The following PLA2G6 variants were observed in gnomAD, a reference collection of about 807,000 sequenced individuals.
PLA2G6 encodes phospholipase A2 group VI.
In PLA2G6, 62 loss-of-function variants were observed where a neutral mutation model predicts 83.8. The ratio of observed to expected loss-of-function variants is 0.74; its 90% CI spans 0.60 to 0.91. PLA2G6 has a LOEUF of 0.91. Ranked by LOEUF, PLA2G6 falls within the 40% of genes least tolerant of loss-of-function variation. The pLI is 0.00. For missense variants in PLA2G6, 944 were observed against 1,102.0 expected (o/e 0.86, Z 2.03); for synonymous variants, 417 against 449.8 (o/e 0.93, Z 0.92).
At chr22:38,143,712 G>A (rs1172133103) in intron 3 of PLA2G6, 5 of 323,182 alleles carry the variant, frequency 1.5e-5, no homozygotes, top group Non-Finnish European at 3.0e-5. Context: ...CCAAAAGCAC[G>A]CCTGGAAACT....
In PLA2G6 at chr22:38,111,945, C is replaced by G; in HGVS notation, c.*216G>C. The G allele has an allele frequency of 1.6e-6, 1 of 612,366 alleles. No individual in the cohort carries two copies. Among genetic ancestry groups the G allele is most frequent in the Middle Eastern group, 4.3e-4 (1 of 2,302 alleles). 37.9% of individuals were successfully genotyped at this position (612,366 alleles called of 1,614,324 possible). A position where few individuals can be genotyped will look rare whatever the true frequency, so the allele number is the denominator to read the frequency against. ...GGGCCAAAGGGGGCTCTAGACTTTC[C>G]CAGCCTGGAATGACAGAAAGTGCTG... On this transcript the variant is annotated 3_prime_UTR_variant, in exon 17 of 17. Coordinates refer to ENST00000332509, the MANE Select transcript of PLA2G6 (RefSeq NM_003560.4).
chr22:38,140,264 T>G, intron 4 of PLA2G6, 95 bp from the exon 5 acceptor site: 1 of 1,176,784 alleles, frequency 8.5e-7, no homozygotes, highest in Non-Finnish European at 1.2e-6. Flanking sequence ...TCCTAGCACT[T>G]TGGGAGGCCA....
chr22:38,137,329 C>T (rs2088618517), intron 5 of PLA2G6: 1 of 152,440 alleles, frequency 6.6e-6, no homozygotes, highest in South Asian at 2.1e-4. Context: ...GTGTCCATGG[C>T]TTGGCTCGGG....
intron 4 of PLA2G6, chr22:38,140,616 C>G (rs962525841): frequency 1.9e-5 from 4 of 205,656 alleles, no homozygotes; most frequent in African/African-American, 9.3e-5. Flanking sequence ...ATTTCTGAGT[C>G]AAGGAACTTA....
chr22:38,172,251 G>C (rs894345221), intron 1 of PLA2G6, among the ~76,000 whole-genome samples: 2 of 152,214 alleles, frequency 1.3e-5, no homozygotes, highest in Non-Finnish European at 2.9e-5. Flanking sequence ...GAGGGGTAAA[G>C]TCACGGGCCC....
At chr22:38,164,022 C>T (rs1415778148) in intron 2 of PLA2G6, among the ~76,000 whole-genome samples, 2 of 152,150 alleles carry the variant, frequency 1.3e-5, no homozygotes, top group Non-Finnish European at 1.5e-5. Flanking sequence ...GGAGGTACAG[C>T]CCTGTTTCTG....
In PLA2G6 at chr22:38,132,522, T is replaced by C. The variant is rs1477057739; in HGVS notation, c.1077+309A>G. The C allele has an allele frequency of 1.1e-4, 55 of 492,450 alleles. No homozygotes were observed. The East Asian group carries it at 2.0e-3, about 18-fold the overall frequency. The allele number at this position is 492,450 out of a possible 1,614,324, so 30.5% of individuals were successfully genotyped here. A position where few individuals can be genotyped will look rare whatever the true frequency, so the allele number is the denominator to read the frequency against. On this transcript the variant is annotated intron_variant, in intron 7 of 16. Coordinates refer to ENST00000332509, the MANE Select transcript of PLA2G6 (RefSeq NM_003560.4). The surrounding 1 kb of genome is among the most constrained non-coding windows in gnomAD (Gnocchi z 5.0). ...AGGAAATCGAGGCTGACAGGTGACA[T>C]GGCTTGCTCAGGGCCAGTCTATGGC...
At chr22:38,141,903 A>G (rs12168078) in intron 4 of PLA2G6, 1 of 152,006 alleles carries the variant, frequency 6.6e-6, no homozygotes, top group African/African-American at 2.4e-5. Flanking sequence ...ATATGAATCC[A>G]CATTTTCTGG....
rs868281222 is a variant in PLA2G6 at position 38,143,084 on chromosome 22, C to G, written c.609+21G>C. 29 of 1,612,684 alleles carry G rather than the reference C, an allele frequency of 1.8e-5. No homozygotes were observed. In the Middle Eastern group the frequency reaches 4.1e-3, roughly 229 times the overall value. ...ACCGGGAGGTATCAGTACCAGTCAC[C>G]CTGCCCCTCCCCCTGCTCACCTGCA... On this transcript the variant is annotated intron_variant, in intron 4 of 16. Transcript: ENST00000332509.
Position 38,128,492 on chromosome 22 carries a change from G to C in PLA2G6, c.1187-62C>G. ...TCAGAAATGATGTCAACATGCAAAG[G>C]AGAGGCCCCTCCTTTCCACACTCCG... On this transcript the variant is annotated intron_variant, in intron 8 of 16. Coordinates refer to ENST00000332509, the MANE Select transcript of PLA2G6 (RefSeq NM_003560.4). The surrounding 1 kb of genome is among the most constrained non-coding windows in gnomAD (Gnocchi z 4.4). 6.4e-7 allele frequency: 1 copy of C among 1,566,880 alleles called. No homozygotes were observed. Among genetic ancestry groups the C allele is most frequent in the Non-Finnish European group, 8.8e-7 (1 of 1,141,916 alleles).
In PLA2G6 at chr22:38,123,099, C is replaced by A; in HGVS notation, c.1587G>T (p.Leu529=). ...STGGILALAI[L]HSKSMAYMRG... is the part of the protein sequence containing the mutation. ...ATCCCCAGGGGCCGCCCTCACTGTG[C>A]AGAATGGCCAGGGCCAGGATGCCTC... Residue 529 remains leucine (L), a synonymous_variant, in exon 11 of 17, where the codon CTG becomes CTT. Transcript: ENST00000332509. This position sits in a 1 kb window ranked among gnomAD's most constrained non-coding sequence, Gnocchi z 4.1. 1 of 1,548,910 alleles carries A rather than the reference C, an allele frequency of 6.5e-7. No individual in the cohort carries two copies. Among genetic ancestry groups the A allele is most frequent in the Non-Finnish European group, 8.7e-7 (1 of 1,147,068 alleles).
chr22:38,117,314 C>T, intron 12 of PLA2G6, among the ~76,000 whole-genome samples: 1 of 152,156 alleles, frequency 6.6e-6, no homozygotes, highest in East Asian at 1.9e-4. Context: ...TCACGCCATT[C>T]TCCTGCCTCA....
chr22:38,130,652 A>G (rs1356422361), intron 7 of PLA2G6: 2 of 151,220 alleles, frequency 1.3e-5, no homozygotes, highest in African/African-American at 2.4e-5. Flanking sequence ...GGATGGATGG[A>G]TGGCCATTTA....
intron 1 of PLA2G6, among the ~76,000 whole-genome samples, chr22:38,179,285 AAAC>A (rs2040835713): frequency 6.6e-6 from 1 of 152,228 alleles, no homozygotes; most frequent in Non-Finnish European, 1.5e-5. Flanking sequence ...CACTGCAAAG[AAAC>A]AACATTTTAA....
In PLA2G6 at chr22:38,132,034, G is replaced by C. The variant is rs1288762912; in HGVS notation, c.1077+797C>G. ...GGAGGCTGAGGCAGGAGAATCGCTT[G>C]AACCTGGGAGGCGGAGGTTGTGGTG... On this transcript the variant is annotated intron_variant, in intron 7 of 16. Transcript: ENST00000332509. The surrounding 1 kb of genome is among the most constrained non-coding windows in gnomAD (Gnocchi z 5.0). The C allele has an allele frequency of 2.3e-6, 1 of 425,780 alleles. No homozygotes were observed. Among genetic ancestry groups the C allele is most frequent in the African/African-American group, 2.1e-5 (1 of 48,654 alleles). The allele number at this position is 425,780 out of a possible 1,614,324, so 26.4% of individuals were successfully genotyped here. A position where few individuals can be genotyped will look rare whatever the true frequency, so the allele number is the denominator to read the frequency against.
At chr22:38,114,771 G>A (rs1206263485) in intron 14 of PLA2G6, among the ~76,000 whole-genome samples, 3 of 152,198 alleles carry the variant, frequency 2.0e-5, no homozygotes, top group Non-Finnish European at 4.4e-5. Context: ...TCAGGCTCCC[G>A]GCAGTGCTGT....
At chr22:38,178,621 T>C (rs528135886) in intron 1 of PLA2G6, among the ~76,000 whole-genome samples, 25 of 151,894 alleles carry the variant, frequency 1.6e-4, no homozygotes, top group African/African-American at 5.8e-4. Flanking sequence ...TCCCAGAACT[T>C]TGGGAGGCCG....
chr22:38,135,029 G>A lies in PLA2G6; in HGVS notation c.853C>T (p.Arg285Cys), dbSNP rs201190836. ...CAGTGGAGGGGGCTGGCTCCGTAAC[G>A]GGGGTCTTTGCTGTGGATCTGGCTG... ...DSSQIHSKDP[R>C]YGASPLHWAK... The change falls in exon 6 of 17, where the codon CGT (arginine) becomes TGT (cysteine). Residue 285 changes from arginine (R) to cysteine (C), a missense_variant. Physicochemically the swap from Arg to Cys is radical, Grantham distance 180. Transcript: ENST00000332509. 96 of 1,494,196 alleles carry A rather than the reference G, an allele frequency of 6.4e-5. No individual in the cohort carries two copies. The highest frequency in any genetic ancestry group is 7.7e-5 in the Non-Finnish European group (85 of 1,103,338). The allele number at this position is 1,494,196 out of a possible 1,614,324, so 92.6% of individuals were successfully genotyped here.
chr22:38,147,964 C>G (rs923436816), intron 2 of PLA2G6: 1 of 160,630 alleles, frequency 6.2e-6, no homozygotes, highest in African/African-American at 2.4e-5. Flanking sequence ...ACAACAAAAA[C>G]CACAACAAAG....
Sources: gnomAD v4.1 joint callset for allele counts (sites outside exome capture counted in the v4.1 genomes callset) on GRCh38, gnomAD v4.1.1 for gene constraint, Gnocchi (gnomAD v3.1) non-coding constraint, MANE v1.5 for transcripts, NCBI Gene and HGNC (gene_info 2026-07-23, HGNC 2026-07-21) for gene names.